The following TAFA1 variants were observed in gnomAD, a reference collection of about 807,000 sequenced individuals.
TAFA1 encodes chemokine-like protein TAFA-1.
In TAFA1, 4 loss-of-function variants were observed where a neutral mutation model predicts 18.5. The observed-to-expected ratio is 0.22, with a 90% CI of 0.11 to 0.49. The LOEUF is 0.49. TAFA1 is among the 20% of genes least tolerant of loss of function. The pLI is 0.98. For missense variants in TAFA1, 147 were observed against 169.0 expected (o/e 0.87, Z 0.72); for synonymous variants, 56 against 55.2 (o/e 1.01, Z -0.06).
At chr3:68,252,671 C>A (rs2067220773) in intron 2 of TAFA1, among the ~76,000 whole-genome samples, 1 of 152,264 alleles carries the variant, frequency 6.6e-6, no homozygotes, top group East Asian at 1.9e-4. Context: ...AGCCAAACTG[C>A]CTGGGTACCA....
chr3:68,182,730 A>G (rs1295835681), intron 2 of TAFA1, among the ~76,000 whole-genome samples: 7 of 152,170 alleles, frequency 4.6e-5, no homozygotes. Flanking sequence ...TTCTGTATAT[A>G]AACCTTGCAT....
intron 2 of TAFA1, among the ~76,000 whole-genome samples, chr3:68,103,141 A>G (rs2065166912): frequency 6.6e-6 from 1 of 152,216 alleles, no homozygotes; most frequent in Admixed American, 6.5e-5. Context: ...CCTGCAGTGC[A>G]GGCTGGAGCC....
chr3:68,091,481 G>GTT (rs2065029262), intron 2 of TAFA1, among the ~76,000 whole-genome samples: 1 of 152,048 alleles, frequency 6.6e-6, no homozygotes, highest in African/African-American at 2.4e-5. Context: ...AGATTCCTCA[G>GTT]TCTGCCAGGT....
chr3:68,139,617 A>G (rs571332745), intron 2 of TAFA1, among the ~76,000 whole-genome samples: 1 of 152,296 alleles, frequency 6.6e-6, no homozygotes, highest in South Asian at 2.1e-4. Flanking sequence ...ATGAACTAGG[A>G]GATTTCTTGG....
chr3:68,029,902 A>G (rs1053659421), intron 2 of TAFA1, among the ~76,000 whole-genome samples: 3 of 152,168 alleles, frequency 2.0e-5, no homozygotes, highest in Non-Finnish European at 4.4e-5. Flanking sequence ...AGAAATTGGT[A>G]TGGGACGATA....
At chr3:68,258,677 T>A (rs1278659378) in intron 2 of TAFA1, among the ~76,000 whole-genome samples, 1 of 152,164 alleles carries the variant, frequency 6.6e-6, no homozygotes, top group Non-Finnish European at 1.5e-5. Context: ...CAGAGCCACA[T>A]AACAAATATA....
intron 3 of TAFA1, among the ~76,000 whole-genome samples, chr3:68,489,551 G>C (rs567887988): frequency 6.6e-6 from 1 of 151,982 alleles, no homozygotes; most frequent in Non-Finnish European, 1.5e-5. Context: ...GTAGACCCCC[G>C]GTGTTTTTCT....
At chr3:68,240,516 A>G (rs1027372359) in intron 2 of TAFA1, among the ~76,000 whole-genome samples, 1 of 152,180 alleles carries the variant, frequency 6.6e-6, no homozygotes, top group African/African-American at 2.4e-5. Context: ...AAATCACTCC[A>G]GCTGCATAGA....
chr3:68,072,542 G>T (rs1391398061), intron 2 of TAFA1, among the ~76,000 whole-genome samples: 4 of 152,176 alleles, frequency 2.6e-5, no homozygotes, highest in African/African-American at 9.7e-5. Context: ...ATGGGGAAGA[G>T]ATAGAACAAG....
intron 3 of TAFA1, among the ~76,000 whole-genome samples, chr3:68,488,620 G>A (rs968915790): frequency 6.6e-6 from 1 of 152,084 alleles, no homozygotes; most frequent in Admixed American, 6.6e-5. Context: ...AATTCCCTAG[G>A]CTTCAATTTT....
At chr3:68,070,910 A>G (rs368301755) in intron 2 of TAFA1, among the ~76,000 whole-genome samples, 328 of 152,336 alleles carry the variant, frequency 2.2e-3, no homozygotes, top group African/African-American at 7.6e-3. Context: ...TTCATTGTCC[A>G]TATCATTATC....
In TAFA1 at chr3:68,417,203, G is replaced by A. The variant is rs576363599; in HGVS notation, c.119-77G>A. 5.0e-4 allele frequency: 621 copies of A among 1,254,304 alleles called. 8 individuals are homozygous for A. In the South Asian group the frequency reaches 7.1e-3, roughly 14 times the overall value. 77.7% of individuals were successfully genotyped at this position (1,254,304 alleles called of 1,614,324 possible). A position where few individuals can be genotyped will look rare whatever the true frequency, so the allele number is the denominator to read the frequency against. Reference sequence around the variant, plus strand: ...AATTTCAATTACTTTCCTCAACCCCGCTACATGCACTCCCAGGGGCTCGAA... The same window carrying A: ...AATTTCAATTACTTTCCTCAACCCCACTACATGCACTCCCAGGGGCTCGAA... On this transcript the variant is annotated intron_variant, in intron 2 of 4. Coordinates refer to ENST00000478136, the MANE Select transcript of TAFA1 (RefSeq NM_213609.4).
intron 2 of TAFA1, among the ~76,000 whole-genome samples, chr3:68,175,265 T>G (rs777339922): frequency 8.5e-5 from 13 of 152,196 alleles, no homozygotes; most frequent in Non-Finnish European, 1.3e-4. Flanking sequence ...GAGTCCCTAC[T>G]GGGGCGCTGC....
intron 2 of TAFA1, among the ~76,000 whole-genome samples, chr3:68,255,477 A>G (rs1162936597): frequency 1.3e-5 from 2 of 152,118 alleles, no homozygotes; most frequent in Non-Finnish European, 2.9e-5. Context: ...GTGTACAATC[A>G]GTAATCACCA....
intron 2 of TAFA1, among the ~76,000 whole-genome samples, chr3:68,105,319 A>T (rs2065191423): frequency 6.6e-6 from 1 of 152,180 alleles, no homozygotes; most frequent in Non-Finnish European, 1.5e-5. Context: ...GTAGTACCAT[A>T]GAGTCCCCTA....
intron 2 of TAFA1, among the ~76,000 whole-genome samples, chr3:68,024,805 GCACA>G (rs3037727): frequency 1.4e-5 from 1 of 73,580 alleles, no homozygotes; most frequent in African/African-American, 5.0e-5. Flanking sequence ...TCTCCTTAAT[GCACA>G]CACACACACA....
the TAFA1 span, among the ~76,000 whole-genome samples, chr3:67,993,179 G>T: frequency 6.6e-6 from 1 of 152,238 alleles, no homozygotes; most frequent in Non-Finnish European, 1.5e-5. Context: ...TAGTAGGCTT[G>T]ATACTTCATA....
intron 2 of TAFA1, chr3:68,192,297 G>A (rs1268691592): frequency 6.6e-6 from 1 of 151,966 alleles, no homozygotes; most frequent in African/African-American, 2.4e-5. Flanking sequence ...TCTCCAAAAT[G>A]ATGCATTTGG....
Position 68,386,422 on chromosome 3 carries a change from C to G in TAFA1, c.119-30858C>G, listed in dbSNP as rs534587402. ...TTTTTGTTTGTTTTTTTAGTTGTCT[C>G]TAGTATCCTATGTAGATAGCATGGA... On this transcript the variant is annotated intron_variant, in intron 2 of 4. Coordinates refer to ENST00000478136, the MANE Select transcript of TAFA1 (RefSeq NM_213609.4). Among the ~76,000 whole-genome samples the G allele has an allele frequency of 2.4e-4, 36 of 151,976 alleles. 2 individuals are homozygous for G. Among genetic ancestry groups the G allele is most frequent in the African/African-American group, 8.4e-4 (35 of 41,480 alleles).
Sources: allele counts gnomAD v4.1 joint callset (sites outside exome capture counted in the v4.1 genomes callset), GRCh38; gene constraint gnomAD v4.1.1; transcripts MANE v1.5; gene names NCBI Gene and HGNC (gene_info 2026-07-23, HGNC 2026-07-21).